Variants in MBNL2 observed in about 807,000 individuals in gnomAD.
MBNL2 encodes the protein muscleblind like splicing regulator 2.
A neutral mutation model predicts 41.9 loss-of-function variants in MBNL2; 17 were observed. The ratio of observed to expected loss-of-function variants is 0.41; its 90% CI spans 0.28 to 0.61. The LOEUF (loss-of-function observed/expected upper bound fraction) is 0.61, where lower values mean the gene tolerates loss of function less well. Among genes scored for constraint, MBNL2 ranks in the 20% least tolerant of loss-of-function variants. The probability of loss-of-function intolerance (pLI) is 0.35; values close to 1 mark genes in which losing one functional copy is unlikely to be tolerated. For missense variants in MBNL2, 336 were observed against 505.6 expected, an observed-to-expected ratio of 0.66 and a Z score of 3.22; for synonymous variants, 195 against 182.9, an observed-to-expected ratio of 1.07 and a Z score of -0.53.
At chr13:97,229,401 A>C (rs1262629640) in intron 1 of MBNL2, among the ~76,000 whole-genome samples, 2 of 151,972 alleles carry the variant, frequency 1.3e-5, no homozygotes. Context: ...TGGCAAGGAA[A>C]TAGGTGAACT....
chr13:97,320,540 G>A (rs967520888), intron 2 of MBNL2, among the ~76,000 whole-genome samples: 3 of 151,980 alleles, frequency 2.0e-5, no homozygotes, highest in Non-Finnish European at 2.9e-5. Context: ...ACAGGCGTGA[G>A]CCACTGCTCC....
the MBNL2 span, among the ~76,000 whole-genome samples, chr13:97,204,440 A>T: frequency 6.6e-6 from 1 of 152,166 alleles, no homozygotes; most frequent in Admixed American, 6.5e-5. Flanking sequence ...AAAAGAAGAC[A>T]ATTTTGTCAT....
the MBNL2 span, among the ~76,000 whole-genome samples, chr13:97,155,955 C>A: frequency 7.7e-6 from 1 of 130,230 alleles, no homozygotes; most frequent in African/African-American, 3.0e-5. Context: ...AGTTCTAGAT[C>A]CCTGAGGAAT....
chr13:97,142,353 G>A, the MBNL2 span, among the ~76,000 whole-genome samples: 2 of 152,182 alleles, frequency 1.3e-5, no homozygotes, highest in Admixed American at 1.3e-4. Context: ...TGAGACGATA[G>A]ATTCACCTCT....
At position 97,303,752 on chromosome 13, in the gene MBNL2, A is replaced by C. The variant is rs115461662; in HGVS notation, c.174+27343A>C. ...GCTGAATATATGCCTCACATAAACA[A>C]ATAGAAAAATAATAATAATGTAGAC... On this transcript the variant is annotated intron_variant, in intron 2 of 8. Coordinates refer to ENST00000679496, the MANE Select transcript of MBNL2 (RefSeq NM_001382683.1). 5.2e-3 allele frequency among the ~76,000 whole-genome samples: 797 copies of C among 152,326 alleles called. 3 individuals carry two copies. Among genetic ancestry groups the C allele is most frequent in the African/African-American group, 0.018 (733 of 41,566 alleles).
At chr13:97,365,607 A>G (rs2063785261) in intron 8 of MBNL2, among the ~76,000 whole-genome samples, 1 of 152,224 alleles carries the variant, frequency 6.6e-6, no homozygotes, top group South Asian at 2.1e-4. Flanking sequence ...TTTACAAATT[A>G]TAAATGGATG....
At chr13:97,168,984 CAG>C in the MBNL2 span, among the ~76,000 whole-genome samples, 16 of 152,144 alleles carry the variant, frequency 1.1e-4, no homozygotes, top group Non-Finnish European at 1.6e-4. Flanking sequence ...TCACCAAAGA[CAG>C]AAAGTGCTGG....
chr13:97,209,722 G>T, the MBNL2 span, among the ~76,000 whole-genome samples: 1 of 152,126 alleles, frequency 6.6e-6, no homozygotes, highest in Non-Finnish European at 1.5e-5. Flanking sequence ...TTTTCTAGAA[G>T]TTTGATGAAC....
chr13:97,178,236 G>GT, the MBNL2 span, among the ~76,000 whole-genome samples: 1 of 152,176 alleles, frequency 6.6e-6, no homozygotes, highest in Non-Finnish European at 1.5e-5. Context: ...ACTGAGAATG[G>GT]TTTAAATGGT....
At chr13:97,163,534 A>T in the MBNL2 span, among the ~76,000 whole-genome samples, 22 of 152,270 alleles carry the variant, frequency 1.4e-4, no homozygotes, top group African/African-American at 5.3e-4. Context: ...CGCACCTTGT[A>T]TTTCCAGCTC....
the MBNL2 span, among the ~76,000 whole-genome samples, chr13:97,156,112 CATT>C: frequency 8.9e-6 from 1 of 112,482 alleles, no homozygotes; most frequent in Non-Finnish European, 1.8e-5. Context: ...GATGGTATCT[CATT>C]GTGGTTTTGA....
At chr13:97,180,721 G>A in the MBNL2 span, among the ~76,000 whole-genome samples, 194 of 138,914 alleles carry the variant, frequency 1.4e-3, no homozygotes, top group South Asian at 0.011. Flanking sequence ...CAGGCTGGGC[G>A]ACAGAGTGAG....
chr13:97,143,538 C>G, the MBNL2 span, among the ~76,000 whole-genome samples: 1 of 152,210 alleles, frequency 6.6e-6, no homozygotes, highest in African/African-American at 2.4e-5. Flanking sequence ...TTACTAGTCC[C>G]TGGTACAGAT....
At chr13:97,351,008 C>A (rs1010459052) in intron 5 of MBNL2, among the ~76,000 whole-genome samples, 5 of 152,178 alleles carry the variant, frequency 3.3e-5, no homozygotes, top group African/African-American at 1.2e-4. Flanking sequence ...TACAGCCTTA[C>A]AAAATGTATT....
At chr13:97,207,397 C>T in the MBNL2 span, among the ~76,000 whole-genome samples, 3 of 152,292 alleles carry the variant, frequency 2.0e-5, no homozygotes, top group Admixed American at 6.5e-5. Context: ...TACAGTTCCA[C>T]GTGGCTGGGG....
At chr13:97,345,328 TTATG>T (rs1244335518) in intron 4 of MBNL2, among the ~76,000 whole-genome samples, 13 of 152,200 alleles carry the variant, frequency 8.5e-5, no homozygotes, top group African/African-American at 2.7e-4. Context: ...CTGCTAATAT[TTATG>T]AGCAGAGAAG....
intron 2 of MBNL2, among the ~76,000 whole-genome samples, chr13:97,315,504 A>G (rs1165928921): frequency 6.6e-6 from 1 of 152,222 alleles, no homozygotes; most frequent in Non-Finnish European, 1.5e-5. Context: ...AATAGCAGGC[A>G]TTAGGGGTTA....
intron 1 of MBNL2, among the ~76,000 whole-genome samples, chr13:97,267,766 G>GT (rs1473530710): frequency 6.6e-6 from 1 of 152,210 alleles, no homozygotes; most frequent in Non-Finnish European, 1.5e-5. Flanking sequence ...TTGTTGTTTT[G>GT]TTTTTATTGA....
At chr13:97,229,731 C>A (rs1256097276) in intron 1 of MBNL2, among the ~76,000 whole-genome samples, 1 of 152,008 alleles carries the variant, frequency 6.6e-6, no homozygotes, top group African/African-American at 2.4e-5. Context: ...GGGGTGGAGT[C>A]AGGATATGAA....
Sources: gnomAD v4.1 joint callset for allele counts (sites outside exome capture counted in the v4.1 genomes callset) on GRCh38, gnomAD v4.1.1 for gene constraint, MANE v1.5 for transcripts, NCBI Gene and HGNC (gene_info 2026-07-23, HGNC 2026-07-21) for gene names.